Variants in PARP1 observed in about 807,000 individuals in gnomAD.
The protein encoded by PARP1 is poly(ADP-ribose) polymerase 1.
PARP1 carries 44 observed loss-of-function variants against 118.7 expected under a neutral mutation model. That is an observed-to-expected ratio of 0.37 (90% CI 0.29 to 0.48). The LOEUF is 0.48. Ranked by LOEUF, PARP1 falls within the 20% of genes least tolerant of loss-of-function variation. The probability of loss-of-function intolerance (pLI) is 0.99; values close to 1 mark genes in which losing one functional copy is unlikely to be tolerated. For missense variants in PARP1, 1,100 were observed against 1,272.4 expected (o/e 0.86, Z 2.06); for synonymous variants, 492 against 483.2 (o/e 1.02, Z -0.24).
intron 3 of PARP1, among the ~76,000 whole-genome samples, chr1:226,391,845 A>C (rs982358194): frequency 6.6e-6 from 1 of 152,230 alleles, no homozygotes; most frequent in Admixed American, 6.5e-5. Context: ...TTGATTAAAC[A>C]GAAGGCTGGA....
At chr1:226,400,906 G>A (rs1014433716) in intron 2 of PARP1, among the ~76,000 whole-genome samples, 2 of 152,256 alleles carry the variant, frequency 1.3e-5, no homozygotes, top group Admixed American at 1.3e-4. Context: ...CATCCTGCAT[G>A]ACCAAGCCAT....
intron 2 of PARP1, chr1:226,393,021 TA>T: frequency 6.6e-7 from 1 of 1,511,234 alleles, no homozygotes. Context: ...ACACAAGGTG[TA>T]AGTTTGGAAA....
Position 226,385,354 on chromosome 1 carries a change from T to C in PARP1, c.1011+150A>G, listed in dbSNP as rs1664694335. On this transcript the variant is annotated intron_variant, in intron 7 of 22. Transcript: ENST00000366794. Reference sequence around the variant, plus strand: ...ATTTGCGTAGTTTGCAAACATGTAATTTTATATTCTGGTAAACAGGATGAC... The same window carrying C: ...ATTTGCGTAGTTTGCAAACATGTAACTTTATATTCTGGTAAACAGGATGAC... 1.1e-5 allele frequency: 8 copies of C among 722,720 alleles called. No homozygotes were observed. In the Admixed American group the frequency reaches 1.7e-4, roughly 15 times the overall value. The allele number at this position is 722,720 out of a possible 1,614,324, so 44.8% of individuals were successfully genotyped here.
chr1:226,406,337 T>G (rs2695242), intron 1 of PARP1, among the ~76,000 whole-genome samples: 26,880 of 152,138 alleles, frequency 0.18, 2,953 homozygotes, highest in East Asian at 0.43. Context: ...AGACCCTGGG[T>G]TAAGAGCTCC....
intron 1 of PARP1, 107 bp downstream of exon 1, chr1:226,407,703 G>GGGCCCA: frequency 9.5e-7 from 1 of 1,047,558 alleles, no homozygotes; most frequent in Non-Finnish European, 1.2e-6. Context: ...GCCGCTCCGA[G>GGGCCCA]GGCCCGGGCC....
chr1:226,405,299 A>AT (rs113323687), intron 1 of PARP1, among the ~76,000 whole-genome samples: 15 of 149,218 alleles, frequency 1.0e-4, no homozygotes, highest in African/African-American at 2.0e-4. Flanking sequence ...TGTTATTACT[A>AT]TTTTTTTTTT....
Position 226,386,431 on chromosome 1 carries a change from G to A in PARP1, c.729C>T (p.Asp243=), listed in dbSNP as rs1289491011. The A allele has an allele frequency of 2.5e-6, 4 of 1,611,406 alleles. No individual in the cohort carries two copies. In the East Asian group the frequency reaches 6.7e-5, roughly 27 times the overall value. ...KLEKALKAQN[D]LIWNIKDELK... The stretch of plus-strand genomic sequence containing the variant: ...GCTCGTCCTTGATGTTCCAGATCAG[G>A]TCGTTCTGAGCCTATGGACAAGACC... The change falls in exon 6 of 23, where the codon GAC becomes GAT. Residue 243 remains aspartate, a synonymous_variant. Transcript: ENST00000366794.
chr1:226,370,086 A>C (rs1039385488), intron 15 of PARP1, among the ~76,000 whole-genome samples: 1 of 151,530 alleles, frequency 6.6e-6, no homozygotes, highest in Non-Finnish European at 1.5e-5. Context: ...CTTGAGCATG[A>C]GTGAATTTTA....
At chr1:226,391,713 A>C (rs1664822823) in intron 3 of PARP1, among the ~76,000 whole-genome samples, 1 of 152,212 alleles carries the variant, frequency 6.6e-6, no homozygotes, top group South Asian at 2.1e-4. Context: ...ACATTAGAGA[A>C]GGGTGAGAAG....
Position 226,364,001 on chromosome 1 carries a change from T to C in PARP1, c.2728A>G (p.Thr910Ala). Residue 910 changes from threonine to alanine, a missense_variant, in exon 20 of 23, where the codon ACG (threonine) becomes GCG (alanine). Around this residue, in one of 2 missense-constraint regions of PARP1, gnomAD observed 152 missense variants for 240.6 expected, o/e 0.63. Transcript: ENST00000366794. The stretch of plus-strand genomic sequence containing the variant: ...AAGCCTATTGGGTCTCCCTGAGACG[T>C]ATGGCAGTAGTTGGCACTCTTGGAG... ...MVSKSANYCH[T>A]SQGDPIGLIL... The C allele has an allele frequency of 6.2e-7, 1 of 1,613,890 alleles. No individual in the cohort carries two copies. The highest frequency in any genetic ancestry group is 8.5e-7 in the Non-Finnish European group (1 of 1,179,760).
intron 5 of PARP1, among the ~76,000 whole-genome samples, chr1:226,387,832 C>A (rs1167066891): frequency 2.6e-5 from 4 of 152,226 alleles, no homozygotes; most frequent in African/African-American, 9.6e-5. Flanking sequence ...TGTGAAGTGG[C>A]ACCACAGTTC....
chr1:226,394,233 T>C (rs1445194478), intron 2 of PARP1, among the ~76,000 whole-genome samples: 4 of 152,212 alleles, frequency 2.6e-5, no homozygotes, highest in African/African-American at 9.6e-5. Context: ...GGCGCACGCC[T>C]GTACTCCTAG....
chr1:226,375,851 A>G (rs1252320694), intron 13 of PARP1, among the ~76,000 whole-genome samples: 1 of 152,226 alleles, frequency 6.6e-6, no homozygotes, highest in Non-Finnish European at 1.5e-5. Context: ...GGCAAAAAGC[A>G]GATGGTTGTA....
chr1:226,407,374 CAAA>C (rs1276451078), intron 1 of PARP1, among the ~76,000 whole-genome samples: 2 of 124,100 alleles, frequency 1.6e-5, no homozygotes, highest in African/African-American at 2.9e-5. Context: ...ATAGGTTTAA[CAAA>C]AAAAAAAAAA....
chr1:226,398,233 A>G (rs1664963526), intron 2 of PARP1, among the ~76,000 whole-genome samples: 1 of 152,244 alleles, frequency 6.6e-6, no homozygotes, highest in Admixed American at 6.5e-5. Context: ...ATATTTTCAA[A>G]AGACATATGA....
At chr1:226,396,389 TTA>T (rs1664918278) in intron 2 of PARP1, among the ~76,000 whole-genome samples, 1 of 148,642 alleles carries the variant, frequency 6.7e-6, no homozygotes, top group Non-Finnish European at 1.5e-5. Context: ...AAGGTAAATT[TTA>T]TGTTATGCCT....
intron 17 of PARP1, 141 bp from the exon 18 acceptor site, chr1:226,366,193 G>T: frequency 1.4e-6 from 1 of 693,468 alleles, no homozygotes; most frequent in African/African-American, 1.8e-5. Flanking sequence ...TGTGTCCCAG[G>T]CCTGTGGGCT....
chr1:226,374,931 A>C (rs1191646133), intron 13 of PARP1, among the ~76,000 whole-genome samples: 1 of 152,222 alleles, frequency 6.6e-6, no homozygotes, highest in Non-Finnish European at 1.5e-5. Flanking sequence ...GCTGCCTAAT[A>C]GACTATTGAG....
chr1:226,397,081 G>C (rs1664937867), intron 2 of PARP1, among the ~76,000 whole-genome samples: 1 of 148,720 alleles, frequency 6.7e-6, no homozygotes, highest in African/African-American at 2.5e-5. Flanking sequence ...TTGAAGCCAA[G>C]AGTTTGAGAC....
Sources: gnomAD v4.1 joint callset for allele counts (sites outside exome capture counted in the v4.1 genomes callset) on GRCh38, gnomAD v4.1.1 for gene constraint, gnomAD v4.1.1 regional missense constraint, MANE v1.5 for transcripts, NCBI Gene and HGNC (gene_info 2026-07-23, HGNC 2026-07-21) for gene names.